The following ARHGAP15 variants were observed in gnomAD, a reference collection of about 807,000 sequenced individuals.
ARHGAP15 encodes the protein rho GTPase-activating protein 15.
Under a neutral mutation model 63.7 loss-of-function variants are expected in ARHGAP15, and 51 were observed. That is an observed-to-expected ratio of 0.80 (90% CI 0.64 to 1.01). The LOEUF is 1.01. ARHGAP15 is among the 50% of genes least tolerant of loss of function. The probability of loss-of-function intolerance (pLI) is 0.00; values close to 1 mark genes in which losing one functional copy is unlikely to be tolerated. For missense variants in ARHGAP15, 560 were observed against 564.6 expected (o/e 0.99, Z 0.08); for synonymous variants, 191 against 193.8 (o/e 0.99, Z 0.12).
chr2:143,767,950 A>G, intron 13 of ARHGAP15, 39 bp from the exon 14 acceptor site: 1 of 1,585,068 alleles, frequency 6.3e-7, no homozygotes, highest in Non-Finnish European at 8.6e-7. Context: ...CTTCACTTCA[A>G]ACTCCAGTGA....
chr2:143,635,141 A>ACTT (rs1680239975), intron 12 of ARHGAP15, among the ~76,000 whole-genome samples: 1 of 134,830 alleles, frequency 7.4e-6, no homozygotes, highest in African/African-American at 2.8e-5. Context: ...TGAAAGGTAG[A>ACTT]CTTTTTATTT....
intron 6 of ARHGAP15, among the ~76,000 whole-genome samples, chr2:143,369,272 A>ATATTT (rs1413511804): frequency 2.6e-5 from 4 of 152,144 alleles, no homozygotes; most frequent in Non-Finnish European, 5.9e-5. Flanking sequence ...TTCACTGATC[A>ATATTT]TATTTTATCT....
intron 6 of ARHGAP15, among the ~76,000 whole-genome samples, chr2:143,433,849 T>C (rs1689491300): frequency 6.6e-6 from 1 of 152,156 alleles, no homozygotes. Flanking sequence ...TAACAAATTA[T>C]GATGTTAGAA....
chr2:143,349,905 G>A (rs1372489937), intron 6 of ARHGAP15, among the ~76,000 whole-genome samples: 1 of 152,074 alleles, frequency 6.6e-6, no homozygotes, highest in African/African-American at 2.4e-5. Flanking sequence ...TGGATGATAA[G>A]ATATTAAGAT....
At chr2:143,555,890 T>G (rs13415834) in intron 10 of ARHGAP15, among the ~76,000 whole-genome samples, 1 of 70,456 alleles carries the variant, frequency 1.4e-5, no homozygotes, top group Non-Finnish European at 2.8e-5. Context: ...TAGAATAGAA[T>G]AGAATAGAAT....
chr2:143,610,031 G>A (rs572591888), intron 11 of ARHGAP15, among the ~76,000 whole-genome samples: 1 of 152,216 alleles, frequency 6.6e-6, no homozygotes, highest in African/African-American at 2.4e-5. Context: ...TCAAGAATGA[G>A]CAAGAACCAC....
intron 6 of ARHGAP15, among the ~76,000 whole-genome samples, chr2:143,330,133 C>A (rs200781140): frequency 0.19 from 6,810 of 35,700 alleles, 993 homozygotes; most frequent in Non-Finnish European, 0.24. Flanking sequence ...AAAAAAAAAC[C>A]AAAAACAAAA....
At position 143,684,662 on chromosome 2, in the gene ARHGAP15, T is replaced by C. The variant is rs368872445; in HGVS notation, c.1139-18757T>C. On this transcript the variant is annotated intron_variant, in intron 12 of 13. Coordinates refer to ENST00000295095, the MANE Select transcript of ARHGAP15 (RefSeq NM_018460.4). ...CTTAAAAAATATGCAGCTAATGTCA[T>C]GTAGTTAAACTGATGTAGCATGCAT... is the stretch of plus-strand genomic sequence containing the variant. Among the ~76,000 whole-genome samples the C allele has an allele frequency of 5.3e-5, 8 of 152,284 alleles. No homozygotes were observed. In the South Asian group the frequency reaches 1.2e-3, roughly 24 times the overall value.
intron 6 of ARHGAP15, among the ~76,000 whole-genome samples, chr2:143,326,087 A>G (rs1445729945): frequency 3.3e-5 from 5 of 152,180 alleles, no homozygotes; most frequent in African/African-American, 1.2e-4. Context: ...TGATCCTAAA[A>G]TTGCTTACAT....
chr2:143,761,152 C>G (rs949115494), intron 13 of ARHGAP15, among the ~76,000 whole-genome samples: 6 of 151,962 alleles, frequency 3.9e-5, no homozygotes, highest in African/African-American at 1.5e-4. Flanking sequence ...TAGCATAGAT[C>G]CCCCCCGAAA....
intron 11 of ARHGAP15, among the ~76,000 whole-genome samples, chr2:143,615,076 TGTG>T (rs1441782480): frequency 6.6e-6 from 1 of 152,190 alleles, no homozygotes; most frequent in Non-Finnish European, 1.5e-5. Flanking sequence ...TAGTGGTGAT[TGTG>T]GTGAAGAAAA....
At chr2:143,322,761 C>A (rs1212203223) in intron 6 of ARHGAP15, among the ~76,000 whole-genome samples, 1 of 152,074 alleles carries the variant, frequency 6.6e-6, no homozygotes, top group Non-Finnish European at 1.5e-5. Flanking sequence ...CATGATGCTT[C>A]GATGTGGTAC....
chr2:143,579,987 TTCTTCAA>T (rs1362663045), intron 11 of ARHGAP15, among the ~76,000 whole-genome samples: 3 of 143,258 alleles, frequency 2.1e-5, no homozygotes, highest in Non-Finnish European at 3.1e-5. Flanking sequence ...AAACAAATGT[TTCTTCAA>T]AACATTTGTT....
chr2:143,393,112 A>G (rs1355500500), intron 6 of ARHGAP15, among the ~76,000 whole-genome samples: 1 of 152,088 alleles, frequency 6.6e-6, no homozygotes, highest in Non-Finnish European at 1.5e-5. Context: ...CCCTGTTTTC[A>G]GTTTTGGATT....
At chr2:143,627,535 T>C (rs2731561) in intron 12 of ARHGAP15, among the ~76,000 whole-genome samples, 34,154 of 152,096 alleles carry the variant, frequency 0.22, 4,070 homozygotes, top group South Asian at 0.32. Flanking sequence ...AAAAAGTCTT[T>C]CAAAATTTTA....
chr2:143,208,740 A>G (rs966075559), intron 3 of ARHGAP15, among the ~76,000 whole-genome samples: 3 of 152,152 alleles, frequency 2.0e-5, no homozygotes, highest in African/African-American at 4.8e-5. Context: ...CATGAGACCT[A>G]ATTATTTTCA....
At chr2:143,460,963 GC>G (rs1375355688) in intron 8 of ARHGAP15, among the ~76,000 whole-genome samples, 1 of 152,050 alleles carries the variant, frequency 6.6e-6, no homozygotes, top group Admixed American at 6.6e-5. Flanking sequence ...TAAAATGTTT[GC>G]CCCTTCCTCA....
intron 10 of ARHGAP15, among the ~76,000 whole-genome samples, chr2:143,550,241 G>A (rs1444913063): frequency 6.6e-6 from 1 of 151,974 alleles, no homozygotes; most frequent in Non-Finnish European, 1.5e-5. Flanking sequence ...GAAGATAATG[G>A]AACATATATT....
chr2:143,543,045 T>A (rs1574610465), intron 10 of ARHGAP15, among the ~76,000 whole-genome samples: 1 of 151,906 alleles, frequency 6.6e-6, no homozygotes, highest in Middle Eastern at 3.4e-3. Flanking sequence ...TTTTATTTCC[T>A]TTGGATATAT....
Sources: allele counts gnomAD v4.1 joint callset (sites outside exome capture counted in the v4.1 genomes callset), GRCh38; gene constraint gnomAD v4.1.1; transcripts MANE v1.5; gene names NCBI Gene and HGNC (gene_info 2026-07-23, HGNC 2026-07-21).